DDOST: variants seen among roughly 807,000 people sequenced by gnomAD.
The protein encoded by DDOST is dolichyl-diphosphooligosaccharide--protein glycosyltransferase 48 kDa subunit.
DDOST carries 25 observed loss-of-function variants against 47.6 expected under a neutral mutation model. The ratio of observed to expected loss-of-function variants is 0.53; its 90% CI spans 0.38 to 0.73. DDOST has a LOEUF of 0.73. Ranked by LOEUF, DDOST falls within the 30% of genes least tolerant of loss-of-function variation. The pLI, the probability that DDOST is intolerant of heterozygous loss-of-function variation, is 0.00. For missense variants in DDOST, 526 were observed against 573.9 expected, an observed-to-expected ratio of 0.92 and a Z score of 0.85; for synonymous variants, 275 against 236.0, an observed-to-expected ratio of 1.17 and a Z score of -1.51.
chr1:20,654,519 C>T lies in DDOST; in HGVS notation c.645+95G>A, dbSNP rs113311907. ...TGAGACCACACCGCTTCTGCCCATG[C>T]CCCACCCCACCAACTAGTCATTTCC... On this transcript the variant is annotated intron_variant, in intron 6 of 10. Coordinates refer to ENST00000602624, the MANE Select transcript of DDOST (RefSeq NM_005216.5). The T allele has an allele frequency of 2.2e-5, 30 of 1,375,864 alleles. 2 individuals are homozygous for T. The highest frequency in any genetic ancestry group is 2.2e-4 in the African/African-American group (15 of 69,668). The allele number at this position is 1,375,864 out of a possible 1,614,324, so 85.2% of individuals were successfully genotyped here.
chr1:20,656,020 T>C (rs2154534295), intron 3 of DDOST, 81 bp downstream of exon 3: 1 of 1,251,106 alleles, frequency 8.0e-7, no homozygotes, highest in Non-Finnish European at 1.2e-6. Context: ...CAGTGAATGC[T>C]AATTTGGCAG....
rs1034650704 is a variant in DDOST, at chr1:20,660,804, C to T, written c.265+77G>A. Reference sequence around the variant, plus strand: ...AACCCATCCTGTGACCCAGGACATGCCCAAGAACCAGAAGAAAGCAATCCA... The same window carrying T: ...AACCCATCCTGTGACCCAGGACATGTCCAAGAACCAGAAGAAAGCAATCCA... On this transcript the variant is annotated intron_variant, in intron 2 of 10. Coordinates refer to ENST00000602624, the MANE Select transcript of DDOST (RefSeq NM_005216.5). The T allele has an allele frequency of 3.5e-6, 3 of 854,882 alleles. No homozygotes were observed. The African/African-American group carries it at 5.0e-5, about 14-fold the overall frequency. 53.0% of individuals were successfully genotyped at this position (854,882 alleles called of 1,614,324 possible). A position where few individuals can be genotyped will look rare whatever the true frequency, so the allele number is the denominator to read the frequency against.
At chr1:20,661,078 G>T in intron 1 of DDOST, 87 bp from the exon 2 acceptor site, 7 of 1,478,874 alleles carry the variant, frequency 4.7e-6, no homozygotes, top group Non-Finnish European at 5.6e-6. Flanking sequence ...ACGCCAAGCG[G>T]CAGGCCAGAC....
At position 20,652,897 on chromosome 1, in the gene DDOST, C is replaced by G. The variant is rs1217817067; in HGVS notation, c.1017G>C (p.Glu339Asp). Residue 339 changes from glutamate to aspartate, a missense_variant, in exon 9 of 11, where the codon GAG (glutamate) becomes GAC (aspartate). Transcript: ENST00000602624. ...TCACAAAAGGATCAATGCGGACAAA[C>G]TCCAGCTGAATGTCATCGCCATCAA... Reference protein sequence around the residue: ...VPFDGDDIQLEFVRIDPFVRT... With the variant: ...VPFDGDDIQLDFVRIDPFVRT... The G allele has an allele frequency of 6.2e-7, 1 of 1,614,198 alleles. No individual in the cohort carries two copies. The highest frequency in any genetic ancestry group is 8.5e-7 in the Non-Finnish European group (1 of 1,180,032).
At position 20,651,800 on chromosome 1, in the gene DDOST, T is replaced by TC. The variant is rs2053287015; in HGVS notation, c.*578_*579insG. The TC allele has an allele frequency of 8.5e-6, 1 of 118,310 alleles. No homozygotes were observed. The highest frequency in any genetic ancestry group is 3.2e-5 in the African/African-American group (1 of 31,408). The allele number at this position is 118,310 out of a possible 1,614,324, so 7.3% of individuals were successfully genotyped here. A position where few individuals can be genotyped will look rare whatever the true frequency, so the allele number is the denominator to read the frequency against. On this transcript the variant is annotated 3_prime_UTR_variant, in exon 11 of 11. Transcript: ENST00000602624. ...AGTTTGAGGGCAACATCTCGCTTTA[T>TC]TTTTATTTATTTATTTATTTATTTA...
Position 20,655,714 on chromosome 1 carries a change from T to C in DDOST, c.418A>G (p.Ile140Val), listed in dbSNP as rs2053364632. The stretch of plus-strand genomic sequence containing the variant: ...GAGATGTCATAGTTGTGATGGTCAA[T>C]GACAGCCGTTTTCTCCTCGTCAAAC... ...IEFDEEKTAV[I>V]DHHNYDISDL... Residue 140 changes from isoleucine (I) to valine (V), a missense_variant, in exon 4 of 11, where the codon ATT (isoleucine) becomes GTT (valine). Transcript: ENST00000602624. 3.7e-6 allele frequency: 6 copies of C among 1,614,234 alleles called. No individual in the cohort carries two copies. Among genetic ancestry groups the C allele is most frequent in the South Asian group, 2.2e-5 (2 of 91,090 alleles).
intron 2 of DDOST, 81 bp from the exon 3 acceptor site, chr1:20,656,268 G>T: frequency 8.9e-7 from 1 of 1,129,102 alleles, no homozygotes; most frequent in Non-Finnish European, 1.3e-6. Context: ...GGACATGAAG[G>T]GCAGAGCAGC....
rs886045853 is a variant in DDOST at position 20,651,801 on chromosome 1, T to TTTTTTTTTTTTATTTATTTATTTATTTA, written c.*577_*578insTAAATAAATAAATAAATAAAAAAAAAAA. 3 of 147,120 alleles carry TTTTTTTTTTTTATTTATTTATTTATTTA rather than the reference T, an allele frequency of 2.0e-5. No individual in the cohort carries two copies. Among genetic ancestry groups the TTTTTTTTTTTTATTTATTTATTTATTTA allele is most frequent in the Non-Finnish European group, 3.0e-5 (2 of 67,138 alleles). The allele number at this position is 147,120 out of a possible 1,614,324, so 9.1% of individuals were successfully genotyped here. ...GTTTGAGGGCAACATCTCGCTTTAT[T>TTTTTTTTTTTTATTTATTTATTTATTTA]TTTATTTATTTATTTATTTATTTAT... On this transcript the variant is annotated 3_prime_UTR_variant, in exon 11 of 11. Coordinates refer to ENST00000602624, the MANE Select transcript of DDOST (RefSeq NM_005216.5).
At chr1:20,660,565 C>G (rs762415584) in intron 2 of DDOST, 1 of 206,832 alleles carries the variant, frequency 4.8e-6, no homozygotes, top group African/African-American at 2.3e-5. Context: ...TCCACCCAGG[C>G]AAACCCAACC....
At position 20,660,972 on chromosome 1, in the gene DDOST, T is replaced by C. The variant is rs758439973; in HGVS notation, c.174A>G (p.Thr58=). 1.4e-5 allele frequency: 23 copies of C among 1,613,632 alleles called. No homozygotes were observed. Among genetic ancestry groups the C allele is most frequent in the Non-Finnish European group, 1.5e-5 (18 of 1,179,682 alleles). Reference sequence around the variant, plus strand: ...GGCTGGGGTCATCAGCGGTCTTGAATGTGAGCTCAAAGCCCCGGTCTGGAC... The same window carrying C: ...GGCTGGGGTCATCAGCGGTCTTGAACGTGAGCTCAAAGCCCCGGTCTGGAC... The part of the protein sequence containing the change: ...RSLKDRGFEL[T]FKTADDPSLS... The change falls in exon 2 of 11, where the codon ACA becomes ACG. Residue 58 remains threonine (T), a synonymous_variant. Transcript: ENST00000602624.
In DDOST at chr1:20,655,528, G is replaced by GC. The variant is rs1312042112; in HGVS notation, c.462dup (p.Leu155AlafsTer5). 6.2e-7 allele frequency: 1 copy of GC among 1,613,884 alleles called. No homozygotes were observed. Among genetic ancestry groups the GC allele is most frequent in the Non-Finnish European group, 8.5e-7 (1 of 1,179,850 alleles). On this transcript the variant is annotated frameshift_variant, in exon 5 of 11. Transcript: ENST00000602624. LOFTEE classifies it high-confidence loss of function. Reference sequence around the variant, plus strand: ...AGGTTCTCAGTGTCAGCCACGATGAGCGTATGCTGCAAAGAGTAGATGGAA... The same window carrying GC: ...AGGTTCTCAGTGTCAGCCACGATGAGCCGTATGCTGCAAAGAGTAGATGGAA...
chr1:20,653,082 G>A (rs2053315405), intron 8 of DDOST, 111 bp from the exon 9 acceptor site: 1 of 1,422,230 alleles, frequency 7.0e-7, no homozygotes, highest in Non-Finnish European at 9.7e-7. Flanking sequence ...GGAATGCCCA[G>A]GAGTTCAGAA....
rs751589858 is a variant in DDOST at position 20,654,672 on chromosome 1, T to C, written c.587A>G (p.Asp196Gly). 2.6e-6 allele frequency: 4 copies of C among 1,563,146 alleles called. No homozygotes were observed. The highest frequency in any genetic ancestry group is 3.5e-6 in the Non-Finnish European group (4 of 1,152,550). ...VADPDNPLVLDILTGSSTSYS... is the reference protein window; with the variant it reads ...VADPDNPLVLGILTGSSTSYS... ...AGAGGTGGAAGAGCCCGTCAGGATG[T>C]CCAGCACCAAAGGGTTATCAGGATC... The change falls in exon 6 of 11, where the codon GAC (aspartate) becomes GGC (glycine). Residue 196 changes from aspartate (D) to glycine (G), a missense_variant. Asp to Gly is a moderately conservative substitution (Grantham distance 94). Coordinates refer to ENST00000602624, the MANE Select transcript of DDOST (RefSeq NM_005216.5).
At position 20,654,209 on chromosome 1, in the gene DDOST, C is replaced by T. The variant is rs1044366602; in HGVS notation, c.794+14G>A. ...CCACCCGGATCCCCGGCCCCTAAGC[C>T]TCCTGGCAGCTACCTCTGGGAGCCG... is the stretch of plus-strand genomic sequence containing the variant. On this transcript the variant is annotated intron_variant, in intron 7 of 10. Transcript: ENST00000602624. 2 of 1,550,266 alleles carry T rather than the reference C, an allele frequency of 1.3e-6. No homozygotes were observed. The highest frequency in any genetic ancestry group is 1.7e-6 in the Non-Finnish European group (2 of 1,146,902).
intron 6 of DDOST, 43 bp downstream of exon 6, chr1:20,654,568 TCTG>T (rs1259958617): frequency 4.7e-5 from 70 of 1,502,524 alleles, no homozygotes; most frequent in Non-Finnish European, 5.9e-5. Context: ...AATGTGCTGT[TCTG>T]CTTCATTTTT....
rs140409217 is a variant in DDOST at position 20,661,209 on chromosome 1, G to A, written c.142C>T (p.Arg48Trp). The change falls in exon 1 of 11, where the codon CGG becomes TGG. Residue 48 changes from arginine to tryptophan, a missense_variant. Coordinates refer to ENST00000602624, the MANE Select transcript of DDOST (RefSeq NM_005216.5). ...NVRETHSLFF[R>W]SLKDRGFELT... ...ACCCCGCTCTCACCCTTCAGGCTCC[G>A]GAAGAAAAGCGAATGAGTCTCCCGC... 1.3e-4 allele frequency: 204 copies of A among 1,613,826 alleles called. 2 individuals carry two copies. The African/African-American group carries it at 1.9e-3, about 15-fold the overall frequency.
intron 7 of DDOST, 38 bp from the exon 8 acceptor site, chr1:20,653,812 C>T: frequency 6.3e-7 from 1 of 1,597,296 alleles, no homozygotes; most frequent in Non-Finnish European, 8.5e-7. Context: ...GGCACCAGAG[C>T]CACCTTTCCA....
Position 20,652,202 on chromosome 1 carries a change from T to C in DDOST, c.*177A>G. 1 of 585,738 alleles carries C rather than the reference T, an allele frequency of 1.7e-6. No individual in the cohort carries two copies. Among genetic ancestry groups the C allele is most frequent in the Non-Finnish European group, 2.7e-6 (1 of 364,050 alleles). 36.3% of individuals were successfully genotyped at this position (585,738 alleles called of 1,614,324 possible). On this transcript the variant is annotated 3_prime_UTR_variant, in exon 11 of 11. Coordinates refer to ENST00000602624, the MANE Select transcript of DDOST (RefSeq NM_005216.5). Reference sequence around the variant, plus strand: ...TTTTAGCAATTCAAAGTGGAAAAACTTCTTTTATATAAAAATTATCCCAAC... The same window carrying C: ...TTTTAGCAATTCAAAGTGGAAAAACCTCTTTTATATAAAAATTATCCCAAC...
Position 20,653,720 on chromosome 1 carries a change from G to A in DDOST, c.849C>T (p.Phe283=). 6.2e-7 allele frequency: 1 copy of A among 1,614,102 alleles called. No individual in the cohort carries two copies. The change falls in exon 8 of 11, where the codon TTC becomes TTT. Residue 283 remains phenylalanine (F), a synonymous_variant. Coordinates refer to ENST00000602624, the MANE Select transcript of DDOST (RefSeq NM_005216.5). ...ELAVALSRWV[F]KEEGVLRVGP... ...CCACACGGAGGACACCCTCCTCCTT[G>A]AACACCCAGCGGGAGAGGGCCACAG...
Sources: gnomAD v4.1 joint callset for allele counts on GRCh38, gnomAD v4.1.1 for gene constraint, MANE v1.5 for transcripts, NCBI Gene and HGNC (gene_info 2026-07-23, HGNC 2026-07-21) for gene names.